Variants in MYRIP observed in about 807,000 individuals in gnomAD.
MYRIP encodes the protein rab effector MyRIP.
A neutral mutation model predicts 98.0 loss-of-function variants in MYRIP; 49 were observed. The ratio of observed to expected loss-of-function variants is 0.50; its 90% CI spans 0.40 to 0.63. MYRIP has a LOEUF of 0.63. Ranked by LOEUF, MYRIP falls within the 30% of genes least tolerant of loss-of-function variation. The probability of loss-of-function intolerance (pLI) is 0.00; values close to 1 mark genes in which losing one functional copy is unlikely to be tolerated. For synonymous variants in MYRIP, 404 were observed against 409.5 expected (o/e 0.99, Z 0.16); for missense variants, 1,004 against 1,058.2 (o/e 0.95, Z 0.71).
chr3:40,195,725 C>T (rs1385582082), intron 10 of MYRIP, among the ~76,000 whole-genome samples: 2 of 151,902 alleles, frequency 1.3e-5, no homozygotes, highest in African/African-American at 4.8e-5. Context: ...GCAGATTCCA[C>T]TTGTTGGTTT....
At chr3:40,146,281 C>G (rs1003420819) in intron 3 of MYRIP, among the ~76,000 whole-genome samples, 1 of 152,078 alleles carries the variant, frequency 6.6e-6, no homozygotes, top group East Asian at 1.9e-4. Flanking sequence ...GCACAAAGGC[C>G]TGAATGAAGT....
chr3:39,886,312 T>C (rs1366295895), intron 1 of MYRIP, among the ~76,000 whole-genome samples: 2 of 150,650 alleles, frequency 1.3e-5, no homozygotes, highest in South Asian at 4.2e-4. Flanking sequence ...AACATCATAA[T>C]GACAGGATCA....
chr3:40,088,734 G>A (rs1203274214), intron 3 of MYRIP, among the ~76,000 whole-genome samples: 1 of 152,220 alleles, frequency 6.6e-6, no homozygotes, highest in Non-Finnish European at 1.5e-5. Flanking sequence ...GAAGTGCAGG[G>A]CCCAGCCCCC....
intron 3 of MYRIP, among the ~76,000 whole-genome samples, chr3:40,114,552 C>A (rs1949233620): frequency 1.3e-5 from 2 of 152,178 alleles, no homozygotes; most frequent in Non-Finnish European, 2.9e-5. Context: ...TTTGTCACAA[C>A]AAAGTACTAG....
At chr3:40,028,050 A>G (rs906473194) in intron 2 of MYRIP, among the ~76,000 whole-genome samples, 1 of 152,100 alleles carries the variant, frequency 6.6e-6, no homozygotes, top group Non-Finnish European at 1.5e-5. Flanking sequence ...AGGATAGCAA[A>G]CAAGTGATGT....
intron 2 of MYRIP, among the ~76,000 whole-genome samples, chr3:40,018,329 A>G (rs1046045792): frequency 1.6e-4 from 24 of 152,330 alleles, no homozygotes; most frequent in African/African-American, 5.3e-4. Flanking sequence ...ATGCCATGAT[A>G]TAAATCGAGT....
At chr3:39,837,243 G>T (rs1390815054) in intron 1 of MYRIP, among the ~76,000 whole-genome samples, 1 of 152,094 alleles carries the variant, frequency 6.6e-6, no homozygotes, top group East Asian at 1.9e-4. Context: ...GTCAATTTTG[G>T]CTTTTGTTGC....
chr3:39,880,109 A>T (rs547358719), intron 1 of MYRIP, among the ~76,000 whole-genome samples: 1 of 152,030 alleles, frequency 6.6e-6, no homozygotes, highest in Non-Finnish European at 1.5e-5. Context: ...CACAACGTGC[A>T]GGTTTGTTAC....
chr3:39,814,990 T>C lies in MYRIP; in HGVS notation c.-31+5074T>C, dbSNP rs532040248. ...GTATTAGGCACCTTATAGGTTTTCA[T>C]TATCATTTTTCAGTTGAGGTATAAG... is the stretch of plus-strand genomic sequence containing the variant. On this transcript the variant is annotated intron_variant, in intron 1 of 16. Transcript: ENST00000302541. Among the ~76,000 whole-genome samples the C allele has an allele frequency of 6.6e-5, 10 of 152,308 alleles. No homozygotes were observed. The East Asian group carries it at 1.9e-3, about 29-fold the overall frequency.
intron 2 of MYRIP, among the ~76,000 whole-genome samples, chr3:40,015,228 T>G (rs1056770984): frequency 3.9e-5 from 6 of 152,194 alleles, no homozygotes; most frequent in African/African-American, 1.4e-4. Context: ...TGTGATTACA[T>G]CTGGAAGTAA....
At chr3:39,875,608 C>T (rs1211735708) in intron 1 of MYRIP, among the ~76,000 whole-genome samples, 1 of 151,358 alleles carries the variant, frequency 6.6e-6, no homozygotes. Flanking sequence ...ACCCAGTAGT[C>T]ATTCAGGAGC....
intron 1 of MYRIP, among the ~76,000 whole-genome samples, chr3:39,881,137 G>A (rs1943146953): frequency 6.6e-6 from 1 of 151,610 alleles, no homozygotes; most frequent in Non-Finnish European, 1.5e-5. Context: ...CTTTTTCATG[G>A]ATAAAATCAG....
chr3:40,199,018 A>G (rs1951478998), intron 10 of MYRIP, among the ~76,000 whole-genome samples: 1 of 152,204 alleles, frequency 6.6e-6, no homozygotes, highest in South Asian at 2.1e-4. Context: ...CACAAAATTG[A>G]TGGAATGAAT....
Position 40,244,550 on chromosome 3 carries a change from G to A in MYRIP, c.2205G>A (p.Ala735=), listed in dbSNP as rs201745391. Residue 735 remains alanine (A), a synonymous_variant, in exon 13 of 17, where the codon GCG becomes GCA. Transcript: ENST00000302541. ...GTGGCACTGATGAGACCCATCTGGC[G>A]GATCTGGAGGACCAGGTGGCCACGG... is the stretch of plus-strand genomic sequence containing the variant. ...IHSGTDETHL[A]DLEDQVATAA... 85 of 1,613,912 alleles carry A rather than the reference G, an allele frequency of 5.3e-5. No individual in the cohort carries two copies. Among genetic ancestry groups the A allele is most frequent in the Admixed American group, 1.2e-4 (7 of 60,008 alleles).
At chr3:40,137,494 A>G (rs1417748850) in intron 3 of MYRIP, among the ~76,000 whole-genome samples, 39 of 152,336 alleles carry the variant, frequency 2.6e-4, no homozygotes, top group Non-Finnish European at 1.5e-4. Context: ...AAACTATTCC[A>G]GTCAATAGAA....
At chr3:39,944,622 T>G (rs138542518) in intron 2 of MYRIP, among the ~76,000 whole-genome samples, 3 of 152,228 alleles carry the variant, frequency 2.0e-5, no homozygotes, top group African/African-American at 7.2e-5. Flanking sequence ...AGAGGAAAAC[T>G]TTTTATTGTA....
chr3:40,155,493 T>C (rs966163982), intron 4 of MYRIP, among the ~76,000 whole-genome samples: 3 of 152,176 alleles, frequency 2.0e-5, no homozygotes, highest in Non-Finnish European at 2.9e-5. Flanking sequence ...TTATAGTCCA[T>C]TGGGTATATA....
intron 1 of MYRIP, among the ~76,000 whole-genome samples, chr3:39,826,686 C>G (rs1025104079): frequency 2.6e-5 from 4 of 152,070 alleles, no homozygotes; most frequent in African/African-American, 9.7e-5. Flanking sequence ...TCCAATGTTT[C>G]TTTGTTCATA....
intron 10 of MYRIP, 35 bp from the exon 11 acceptor site, chr3:40,209,819 G>A (rs1452371731): frequency 1.2e-6 from 2 of 1,612,034 alleles, no homozygotes; most frequent in East Asian, 4.5e-5. Flanking sequence ...CTGTAGCAGA[G>A]GGCTCCTCAT....
Sources: gnomAD v4.1 joint callset for allele counts (sites outside exome capture counted in the v4.1 genomes callset) on GRCh38, gnomAD v4.1.1 for gene constraint, MANE v1.5 for transcripts, NCBI Gene and HGNC (gene_info 2026-07-23, HGNC 2026-07-21) for gene names.